Variants in TTF2 observed in about 807,000 individuals in gnomAD.
TTF2 encodes transcription termination factor 2.
TTF2 carries 108 observed loss-of-function variants against 142.4 expected under a neutral mutation model. That is an observed-to-expected ratio of 0.76 (90% confidence interval 0.65 to 0.89). The LOEUF (loss-of-function observed/expected upper bound fraction) is 0.89. Ranked by LOEUF, TTF2 falls within the 40% of genes least tolerant of loss-of-function variation. The pLI is 0.00. For missense variants in TTF2, 1,327 were observed against 1,379.8 expected, an observed-to-expected ratio of 0.96 and a Z score of 0.61; for synonymous variants, 483 against 506.2, an observed-to-expected ratio of 0.95 and a Z score of 0.61.
intron 3 of TTF2, among the ~76,000 whole-genome samples, chr1:117,071,251 G>A (rs1486075597): frequency 6.6e-6 from 1 of 151,674 alleles, no homozygotes; most frequent in Non-Finnish European, 1.5e-5. Context: ...AGAAACAGCT[G>A]AACCGCCCAC....
chr1:117,060,493 C>T lies in TTF2; in HGVS notation c.67C>T (p.Pro23Ser), dbSNP rs375358739. ...TCTTAAGACCGGCGTCCGCGATGGCCCGAATAAAGGAAAGAGCTTCTACGT... is the reference window on the plus strand; with the variant it reads ...TCTTAAGACCGGCGTCCGCGATGGCTCGAATAAAGGAAAGAGCTTCTACGT... ...CFLKTGVRDG[P>S]NKGKSFYVCR... is the part of the protein sequence containing the mutation. The change falls in exon 2 of 23, where the codon CCG (proline) becomes TCG (serine). Residue 23 changes from proline to serine, a missense_variant. Transcript: ENST00000369466. 3.7e-6 allele frequency: 6 copies of T among 1,613,872 alleles called. No individual in the cohort carries two copies. Among genetic ancestry groups the T allele is most frequent in the Non-Finnish European group, 5.1e-6 (6 of 1,179,888 alleles).
chr1:117,089,063 T>G (rs1648306865), intron 13 of TTF2, 81 bp downstream of exon 13: 8 of 1,432,624 alleles, frequency 5.6e-6, no homozygotes, highest in Non-Finnish European at 7.5e-6. Context: ...TAATAAAGCC[T>G]TAGTATGTGC....
rs1247863019 is a variant in TTF2 at position 117,070,482 on chromosome 1, G to T, written c.219-3179G>T. On this transcript the variant is annotated intron_variant, in intron 3 of 22. Coordinates refer to ENST00000369466, the MANE Select transcript of TTF2 (RefSeq NM_003594.4). This position sits in a 1 kb window ranked among gnomAD's most constrained non-coding sequence, Gnocchi z 4.2. The stretch of plus-strand genomic sequence containing the variant: ...AGTATTATCTCATGGGACCACAGTT[G>T]TATGTGCCATCCACTGTTGACTGAA... Among the ~76,000 whole-genome samples, 1 of 152,210 alleles carries T rather than the reference G, an allele frequency of 6.6e-6. No individual in the cohort carries two copies. The highest frequency in any genetic ancestry group is 1.5e-5 in the Non-Finnish European group (1 of 68,036).
At chr1:117,077,558 G>A (rs972175180) in intron 7 of TTF2, among the ~76,000 whole-genome samples, 1 of 152,224 alleles carries the variant, frequency 6.6e-6, no homozygotes, top group Admixed American at 6.5e-5. Context: ...TAGATCCACA[G>A]AGAGCAATAA....
chr1:117,084,848 A>G (rs1647870645), intron 11 of TTF2, among the ~76,000 whole-genome samples: 1 of 152,142 alleles, frequency 6.6e-6, no homozygotes, highest in African/African-American at 2.4e-5. Context: ...GCCTCTAAGT[A>G]ATTTCTCTCC....
rs1318480772 is a variant in TTF2 at position 117,100,457 on chromosome 1, C to T, written c.3345-923C>T. Among the ~76,000 whole-genome samples the T allele has an allele frequency of 6.6e-6, 1 of 152,190 alleles. No individual in the cohort carries two copies. Among genetic ancestry groups the T allele is most frequent in the Non-Finnish European group, 1.5e-5 (1 of 68,030 alleles). On this transcript the variant is annotated intron_variant, in intron 22 of 22. Transcript: ENST00000369466. This position sits in a 1 kb window ranked among gnomAD's most constrained non-coding sequence, Gnocchi z 4.6. ...ATCCATCTGATTGTGTCATCCACTT[C>T]TCATATTCTTCAGTAGCTCTCACCT...
intron 20 of TTF2, among the ~76,000 whole-genome samples, chr1:117,096,754 A>G (rs1303064397): frequency 1.3e-5 from 2 of 152,248 alleles, no homozygotes; most frequent in Admixed American, 6.5e-5. Context: ...AATTTATTAG[A>G]CATGTATTGG....
chr1:117,103,940 A>C lies in TTF2; in HGVS notation c.*2416A>C, dbSNP rs1219637685. 2.8e-5 allele frequency: 4 copies of C among 142,914 alleles called. No individual in the cohort carries two copies. The highest frequency in any genetic ancestry group is 1.0e-4 in the African/African-American group (4 of 38,170). The allele number at this position is 142,914 out of a possible 1,614,324, so 8.9% of individuals were successfully genotyped here. A position where few individuals can be genotyped will look rare whatever the true frequency, so the allele number is the denominator to read the frequency against. On this transcript the variant is annotated 3_prime_UTR_variant, in exon 23 of 23. Transcript: ENST00000369466. ...TGCACTCCAGCCTGGTGACAGAGCGAGACTCCGTCTCAAAAAAAAAAAAAA... is the reference window on the plus strand; with the variant it reads ...TGCACTCCAGCCTGGTGACAGAGCGCGACTCCGTCTCAAAAAAAAAAAAAA...
At position 117,075,441 on chromosome 1, in the gene TTF2, C is replaced by T. The variant is rs144112278; in HGVS notation, c.857C>T (p.Thr286Met). Residue 286 changes from threonine to methionine, a missense_variant, in exon 5 of 23, where the codon ACG becomes ATG. Coordinates refer to ENST00000369466, the MANE Select transcript of TTF2 (RefSeq NM_003594.4). The surrounding 1 kb of genome is among the most constrained non-coding windows in gnomAD (Gnocchi z 4.5). The stretch of plus-strand genomic sequence containing the variant: ...GGGGGACCCCTCAACAAGGAGTACA[C>T]GAACTGGGAGGCTAAAGAAACAAAG... ...QKGGPLNKEY[T>M]NWEAKETKAK... 4.5e-5 allele frequency: 73 copies of T among 1,614,126 alleles called. No homozygotes were observed. The highest frequency in any genetic ancestry group is 1.5e-4 in the South Asian group (14 of 91,080).
intron 18 of TTF2, 122 bp from the exon 19 acceptor site, chr1:117,095,187 A>G (rs1413721034): frequency 1.2e-6 from 1 of 832,944 alleles, no homozygotes; most frequent in East Asian, 2.5e-5. Flanking sequence ...AGGAGGGTGG[A>G]ATAAAGACAG....
chr1:117,072,918 C>G (rs1333270972), intron 3 of TTF2, among the ~76,000 whole-genome samples: 1 of 152,066 alleles, frequency 6.6e-6, no homozygotes, highest in East Asian at 1.9e-4. Flanking sequence ...TCCAGCTGCA[C>G]TCTTTTAACA....
chr1:117,061,274 C>T (rs1655667845), intron 2 of TTF2, among the ~76,000 whole-genome samples: 1 of 152,144 alleles, frequency 6.6e-6, no homozygotes, highest in Non-Finnish European at 1.5e-5. Flanking sequence ...CGCCTGTAGT[C>T]CCAGCTACTC....
Position 117,081,831 on chromosome 1 carries a change from A to T in TTF2, c.1787A>T (p.Asp596Val). The T allele has an allele frequency of 6.2e-7, 1 of 1,612,080 alleles. No homozygotes were observed. Residue 596 changes from aspartate (D) to valine (V), a missense_variant, in exon 10 of 23, where the codon GAT (aspartate) becomes GTT (valine). By Grantham distance (152) the Asp-to-Val change is radical (BLOSUM62 -3). Transcript: ENST00000369466. ...TAATTTTGCTTTTATTTTCTAGCAG[A>T]TGATATGGGCTTAGGAAAAACCCTG... The part of the protein sequence containing the change: ...SQKPQGGILA[D>V]DMGLGKTLTM...
chr1:117,075,323 G>A lies in TTF2; in HGVS notation c.739G>A (p.Val247Ile). ...GAAATCAAGTGGTAAGAGTCAAGATGTCCAAAGAGAATCAGAACCTCTGAG... is the reference window on the plus strand; with the variant it reads ...GAAATCAAGTGGTAAGAGTCAAGATATCCAAAGAGAATCAGAACCTCTGAG... ...QEKSSGKSQD[V>I]QRESEPLREK... Residue 247 changes from valine (V) to isoleucine (I), a missense_variant, in exon 5 of 23, where the codon GTC (valine) becomes ATC (isoleucine). Physicochemically the swap from Val to Ile is conservative, Grantham distance 29. Coordinates refer to ENST00000369466, the MANE Select transcript of TTF2 (RefSeq NM_003594.4). This position sits in a 1 kb window ranked among gnomAD's most constrained non-coding sequence, Gnocchi z 4.5. 1.9e-6 allele frequency: 3 copies of A among 1,614,200 alleles called. No homozygotes were observed. Among genetic ancestry groups the A allele is most frequent in the Non-Finnish European group, 2.5e-6 (3 of 1,180,040 alleles).
intron 10 of TTF2, among the ~76,000 whole-genome samples, 167 bp from the exon 11 acceptor site, chr1:117,083,849 TCA>T (rs1381414161): frequency 6.6e-6 from 1 of 152,160 alleles, no homozygotes; most frequent in Non-Finnish European, 1.5e-5. Flanking sequence ...ACACGATGAC[TCA>T]CACCTGTAAT....
chr1:117,073,634 G>C lies in TTF2; in HGVS notation c.219-27G>C. On this transcript the variant is annotated intron_variant, in intron 3 of 22. Transcript: ENST00000369466. This position sits in a 1 kb window ranked among gnomAD's most constrained non-coding sequence, Gnocchi z 4.4. Reference sequence around the variant, plus strand: ...TGTTCTAATGGATTTTCATAGCCTTGATTATTTGTGTTTTATACTTCATTA... The same window carrying C: ...TGTTCTAATGGATTTTCATAGCCTTCATTATTTGTGTTTTATACTTCATTA... 1.3e-6 allele frequency: 2 copies of C among 1,581,728 alleles called. No individual in the cohort carries two copies. Among genetic ancestry groups the C allele is most frequent in the Non-Finnish European group, 1.7e-6 (2 of 1,156,056 alleles).
chr1:117,101,392 G>T lies in TTF2; in HGVS notation c.3357G>T (p.Glu1119Asp). 6.3e-7 allele frequency: 1 copy of T among 1,587,828 alleles called. No individual in the cohort carries two copies. The highest frequency in any genetic ancestry group is 1.9e-5 in the Admixed American group (1 of 52,094). Reference protein sequence around the residue: ...KDVVIHRFVCEGTVEEKILQL... With the variant: ...KDVVIHRFVCDGTVEEKILQL... Reference sequence around the variant, plus strand: ...TTTTGTTTTTTAGATTTGTTTGTGAGGGAACAGTAGAAGAAAAGATCTTAC... The same window carrying T: ...TTTTGTTTTTTAGATTTGTTTGTGATGGAACAGTAGAAGAAAAGATCTTAC... The change falls in exon 23 of 23, where the codon GAG becomes GAT. Residue 1119 changes from glutamate (E) to aspartate (D), a missense_variant. Transcript: ENST00000369466. The surrounding 1 kb of genome is among the most constrained non-coding windows in gnomAD (Gnocchi z 5.9).
intron 19 of TTF2, among the ~76,000 whole-genome samples, chr1:117,095,595 A>G (rs1649051552): frequency 1.3e-5 from 2 of 152,226 alleles, no homozygotes; most frequent in African/African-American, 2.4e-5. Flanking sequence ...TTAAAAGTAG[A>G]GAAGCATATA....
In TTF2 at chr1:117,060,466, TTTC is replaced by T; in HGVS notation, c.43_45del (p.Leu15del). ...TCTTCTCTCTTCAGGGACTTTCTGC[TTTC>T]TTAAGACCGGCGTCCGCGATGGCCC... On this transcript the variant is annotated inframe_deletion, in exon 2 of 23. Coordinates refer to ENST00000369466, the MANE Select transcript of TTF2 (RefSeq NM_003594.4). 1 of 1,613,862 alleles carries T rather than the reference TTTC, an allele frequency of 6.2e-7. No homozygotes were observed. The highest frequency in any genetic ancestry group is 1.1e-5 in the South Asian group (1 of 91,048).
Sources: allele counts gnomAD v4.1 joint callset (sites outside exome capture counted in the v4.1 genomes callset), GRCh38; gene constraint gnomAD v4.1.1; non-coding constraint Gnocchi (gnomAD v3.1); transcripts MANE v1.5; gene names NCBI Gene and HGNC (gene_info 2026-07-23, HGNC 2026-07-21).